Variants in ADAMTS17 observed in about 807,000 individuals in gnomAD.
ADAMTS17 encodes the protein ADAM metallopeptidase with thrombospondin type 1 motif 17, also known as A disintegrin and metalloproteinase with thrombospondin motifs 17.
A neutral mutation model predicts 141.5 loss-of-function variants in ADAMTS17; 113 were observed. The observed-to-expected ratio is 0.80, with a 90% CI of 0.69 to 0.93. The LOEUF (loss-of-function observed/expected upper bound fraction) is 0.93, where lower values mean the gene tolerates loss of function less well. Ranked by LOEUF, ADAMTS17 falls within the 40% of genes least tolerant of loss-of-function variation. The pLI is 0.00. For synonymous variants in ADAMTS17, 768 were observed against 630.6 expected (o/e 1.22, Z -3.27); for missense variants, 1,659 against 1,517.9 (o/e 1.09, Z -1.54).
At chr15:100,026,326 C>T (rs1479280943) in intron 18 of ADAMTS17, among the ~76,000 whole-genome samples, 1 of 152,228 alleles carries the variant, frequency 6.6e-6, no homozygotes, top group African/African-American at 2.4e-5. Context: ...GTTTTGGCCT[C>T]TTATGACTAG....
chr15:100,078,538 C>A (rs968570519), intron 15 of ADAMTS17, among the ~76,000 whole-genome samples: 12 of 149,630 alleles, frequency 8.0e-5, no homozygotes, highest in African/African-American at 2.6e-4. Context: ...AAGTTGTACA[C>A]CTATTTCAGA....
chr15:100,219,786 G>T (rs1356245240), intron 7 of ADAMTS17, among the ~76,000 whole-genome samples: 1 of 152,168 alleles, frequency 6.6e-6, no homozygotes, highest in East Asian at 1.9e-4. Flanking sequence ...TAGAAACCTG[G>T]AAGCATTCAG....
chr15:100,145,758 C>G (rs576957999), intron 10 of ADAMTS17, among the ~76,000 whole-genome samples: 1 of 152,298 alleles, frequency 6.6e-6, no homozygotes, highest in Non-Finnish European at 1.5e-5. Context: ...CAGGAATAAG[C>G]AATATATGAA....
chr15:100,182,586 C>G (rs545065993), intron 8 of ADAMTS17, among the ~76,000 whole-genome samples: 16 of 152,150 alleles, frequency 1.1e-4, no homozygotes, highest in Non-Finnish European at 2.4e-4. Flanking sequence ...TCTTTCCTAC[C>G]GACTTCAATG....
chr15:100,247,096 G>A lies in ADAMTS17; in HGVS notation c.1075+7040C>T, dbSNP rs148551097. 1.6e-3 allele frequency among the ~76,000 whole-genome samples: 236 copies of A among 151,914 alleles called. 3 individuals are homozygous for A. Among genetic ancestry groups the A allele is most frequent in the African/African-American group, 4.9e-3 (203 of 41,432 alleles). On this transcript the variant is annotated intron_variant, in intron 7 of 21. Coordinates refer to ENST00000268070, the MANE Select transcript of ADAMTS17 (RefSeq NM_139057.4). ...GGGACAGGGTTTTGCCATGTTGGCCGGGCTAGTCTCGAACTCCTGACCTCA... is the reference window on the plus strand; with the variant it reads ...GGGACAGGGTTTTGCCATGTTGGCCAGGCTAGTCTCGAACTCCTGACCTCA...
In ADAMTS17 at chr15:99,997,296, G is replaced by A. The variant is rs2060820962; in HGVS notation, c.2796+89C>T. On this transcript the variant is annotated intron_variant, in intron 19 of 21. Transcript: ENST00000268070. This position sits in a 1 kb window ranked among gnomAD's most constrained non-coding sequence, Gnocchi z 4.7. ...TTCAAGCTGACCTGGGGGCGAGCGA[G>A]GGCTGGGAGGCACCAGAATGTCACC... 1 of 1,473,214 alleles carries A rather than the reference G, an allele frequency of 6.8e-7. No individual in the cohort carries two copies. 91.3% of individuals were successfully genotyped at this position (1,473,214 alleles called of 1,614,324 possible).
chr15:100,041,817 G>T (rs1475510113), intron 18 of ADAMTS17, among the ~76,000 whole-genome samples: 1 of 152,290 alleles, frequency 6.6e-6, no homozygotes, highest in Admixed American at 6.5e-5. Flanking sequence ...GAAGGCAAAG[G>T]AAACTGTCAG....
intron 3 of ADAMTS17, among the ~76,000 whole-genome samples, chr15:100,283,453 A>G (rs2044348328): frequency 1.3e-5 from 2 of 152,332 alleles, no homozygotes; most frequent in South Asian, 4.2e-4. Context: ...TTAAAGGTGC[A>G]GAGCTGATGG....
intron 10 of ADAMTS17, among the ~76,000 whole-genome samples, chr15:100,149,629 T>C (rs894492357): frequency 2.6e-5 from 4 of 152,128 alleles, no homozygotes; most frequent in East Asian, 3.9e-4. Context: ...CTCTTTGAAA[T>C]AGCCAATCAG....
At chr15:100,326,454 G>A (rs2045904405) in intron 3 of ADAMTS17, among the ~76,000 whole-genome samples, 1 of 152,212 alleles carries the variant, frequency 6.6e-6, no homozygotes, top group African/African-American at 2.4e-5. Flanking sequence ...ATCAGCTACA[G>A]TTATCCCTGG....
intron 7 of ADAMTS17, among the ~76,000 whole-genome samples, chr15:100,238,355 C>T (rs1004855099): frequency 2.6e-5 from 4 of 152,232 alleles, no homozygotes; most frequent in African/African-American, 9.6e-5. Flanking sequence ...ACATGAGTTG[C>T]ATCCCCTCCA....
At chr15:100,172,559 G>T (rs564035717) in intron 8 of ADAMTS17, among the ~76,000 whole-genome samples, 72 of 152,220 alleles carry the variant, frequency 4.7e-4, no homozygotes, top group African/African-American at 1.7e-3. Flanking sequence ...ATTCATCCCA[G>T]TCACCTGCTC....
At chr15:100,067,244 C>T (rs1308994904) in intron 15 of ADAMTS17, among the ~76,000 whole-genome samples, 4 of 151,714 alleles carry the variant, frequency 2.6e-5, no homozygotes, top group South Asian at 2.1e-4. Flanking sequence ...TTCTAAGTGT[C>T]GTTCCTTTCT....
At chr15:100,243,702 A>G (rs2042896528) in intron 7 of ADAMTS17, among the ~76,000 whole-genome samples, 1 of 151,878 alleles carries the variant, frequency 6.6e-6, no homozygotes, top group Non-Finnish European at 1.5e-5. Context: ...AGGCAGGAGA[A>G]CTGCTGGAAC....
At chr15:100,207,915 G>A (rs2041640711) in intron 7 of ADAMTS17, among the ~76,000 whole-genome samples, 1 of 152,178 alleles carries the variant, frequency 6.6e-6, no homozygotes, top group South Asian at 2.1e-4. Flanking sequence ...CAGGCCCTAG[G>A]AGATGTTCTA....
At chr15:100,114,433 T>A (rs1254376545) in intron 13 of ADAMTS17, among the ~76,000 whole-genome samples, 2 of 152,146 alleles carry the variant, frequency 1.3e-5, no homozygotes, top group Non-Finnish European at 2.9e-5. Context: ...GGCCATCTAT[T>A]ATTTTGTTTT....
At chr15:100,216,286 G>T (rs192507102) in intron 7 of ADAMTS17, among the ~76,000 whole-genome samples, 2 of 152,240 alleles carry the variant, frequency 1.3e-5, no homozygotes, top group African/African-American at 4.8e-5. Context: ...TTTTCTTAAA[G>T]TTTAACAGAA....
chr15:100,201,561 T>C (rs1415981803), intron 7 of ADAMTS17, among the ~76,000 whole-genome samples: 1 of 152,252 alleles, frequency 6.6e-6, no homozygotes, highest in Non-Finnish European at 1.5e-5. Context: ...GAAGCTCACA[T>C]GGCCTGGCTC....
intron 7 of ADAMTS17, among the ~76,000 whole-genome samples, chr15:100,250,565 G>A (rs530173744): frequency 2.6e-5 from 4 of 152,202 alleles, no homozygotes; most frequent in Admixed American, 2.6e-4. Flanking sequence ...GGCAGGGAGT[G>A]GCTCTCAAGA....
Sources: allele counts gnomAD v4.1 joint callset (sites outside exome capture counted in the v4.1 genomes callset), GRCh38; gene constraint gnomAD v4.1.1; non-coding constraint Gnocchi (gnomAD v3.1); transcripts MANE v1.5; gene names NCBI Gene and HGNC (gene_info 2026-07-23, HGNC 2026-07-21).